Variants in NBAS observed in about 807,000 individuals in gnomAD.
The protein encoded by NBAS is NBAS subunit of NRZ tethering complex.
Under a neutral mutation model 302.5 loss-of-function variants are expected in NBAS, and 219 were observed. The observed-to-expected ratio is 0.72, with a 90% CI of 0.65 to 0.81. The LOEUF (loss-of-function observed/expected upper bound fraction) is 0.81, where lower values mean the gene tolerates loss of function less well. Ranked by LOEUF, NBAS falls within the 30% of genes least tolerant of loss-of-function variation. The probability of loss-of-function intolerance (pLI) is 0.00; values close to 1 mark genes in which losing one functional copy is unlikely to be tolerated. For missense variants in NBAS, 2,932 were observed against 2,841.6 expected, an observed-to-expected ratio of 1.03 and a Z score of -0.72; for synonymous variants, 1,118 against 1,021.6, an observed-to-expected ratio of 1.09 and a Z score of -1.80.
intron 36 of NBAS, among the ~76,000 whole-genome samples, chr2:15,329,649 C>T (rs1432494973): frequency 6.6e-6 from 1 of 152,220 alleles, no homozygotes; most frequent in Non-Finnish European, 1.5e-5. Flanking sequence ...ATCTCATCTC[C>T]TACCATTCTC....
the NBAS span, among the ~76,000 whole-genome samples, chr2:15,085,441 C>T: frequency 6.6e-6 from 1 of 152,134 alleles, no homozygotes; most frequent in African/African-American, 2.4e-5. Context: ...TCCCCTCAGC[C>T]CAGGGCCACC....
At position 15,289,854 on chromosome 2, in the gene NBAS, G is replaced by A. The variant is rs544204725; in HGVS notation, c.5028-2671C>T. 1.7e-3 allele frequency among the ~76,000 whole-genome samples: 266 copies of A among 152,182 alleles called. 1 individual carries two copies. The highest frequency in any genetic ancestry group is 6.0e-3 in the African/African-American group (251 of 41,534). ...CTACTGAAAATACAAAAAATTAGCT[G>A]GGTATGGTGGCATGCACCTGTAGTC... On this transcript the variant is annotated intron_variant, in intron 41 of 51. Transcript: ENST00000281513.
intron 11 of NBAS, among the ~76,000 whole-genome samples, chr2:15,501,957 T>C (rs1259756288): frequency 1.3e-5 from 2 of 152,138 alleles, no homozygotes; most frequent in Non-Finnish European, 2.9e-5. Context: ...AGAAACATAA[T>C]TGCTGCCAAA....
chr2:14,884,315 G>T, the NBAS span, among the ~76,000 whole-genome samples: 5 of 152,174 alleles, frequency 3.3e-5, no homozygotes, highest in Non-Finnish European at 5.9e-5. Flanking sequence ...TACTGAGGTT[G>T]GACCAACATT....
the NBAS span, among the ~76,000 whole-genome samples, chr2:15,152,746 C>T: frequency 6.6e-6 from 1 of 152,160 alleles, no homozygotes; most frequent in Non-Finnish European, 1.5e-5. Flanking sequence ...ACACTGCCTG[C>T]TTTAGACATT....
chr2:15,305,500 G>A (rs374809424), intron 40 of NBAS, among the ~76,000 whole-genome samples: 26 of 149,940 alleles, frequency 1.7e-4, no homozygotes, highest in African/African-American at 3.9e-4. Context: ...TTGCCCAGGC[G>A]GAGTGCAACG....
intron 9 of NBAS, among the ~76,000 whole-genome samples, chr2:15,525,739 G>A (rs1662886062): frequency 6.6e-6 from 1 of 152,072 alleles, no homozygotes; most frequent in African/African-American, 2.4e-5. Context: ...CTAACTTTTT[G>A]TAGCTATCAA....
chr2:14,953,634 T>G, the NBAS span, among the ~76,000 whole-genome samples: 1 of 152,102 alleles, frequency 6.6e-6, no homozygotes, highest in Admixed American at 6.5e-5. Flanking sequence ...CAGTAAGAGC[T>G]CCATCCATTG....
intron 25 of NBAS, among the ~76,000 whole-genome samples, chr2:15,411,529 T>A (rs1558314413): frequency 1.3e-5 from 2 of 152,190 alleles, no homozygotes; most frequent in African/African-American, 4.8e-5. Context: ...TTTATATTCA[T>A]CTTTATATTT....
the NBAS span, among the ~76,000 whole-genome samples, chr2:15,134,086 C>G: frequency 1.4e-5 from 2 of 141,748 alleles, no homozygotes; most frequent in African/African-American, 2.7e-5. Context: ...CTCTCTCTCT[C>G]TGCAATGAAA....
chr2:15,119,310 T>C, the NBAS span, among the ~76,000 whole-genome samples: 6 of 104,156 alleles, frequency 5.8e-5, no homozygotes, highest in East Asian at 1.3e-3. Flanking sequence ...TTTCTTTTTT[T>C]TTTTTTTTTT....
the NBAS span, among the ~76,000 whole-genome samples, chr2:15,116,959 TTCTC>T: frequency 3.3e-5 from 5 of 152,108 alleles, no homozygotes; most frequent in Non-Finnish European, 7.3e-5. Flanking sequence ...CATTTTCTCT[TTCTC>T]TCTCTCATTA....
chr2:14,972,988 G>A, the NBAS span, among the ~76,000 whole-genome samples: 1 of 152,184 alleles, frequency 6.6e-6, no homozygotes, highest in African/African-American at 2.4e-5. Context: ...CTGTGTCCTT[G>A]GAGCCCCTTC....
At chr2:14,882,880 C>T in the NBAS span, among the ~76,000 whole-genome samples, 5 of 152,156 alleles carry the variant, frequency 3.3e-5, no homozygotes, top group Non-Finnish European at 7.4e-5. Context: ...GCACTCTGTC[C>T]ATAGAGACTC....
chr2:15,126,504 C>A, the NBAS span, among the ~76,000 whole-genome samples: 1 of 152,138 alleles, frequency 6.6e-6, no homozygotes, highest in African/African-American at 2.4e-5. Flanking sequence ...AGGCTTAATA[C>A]CACTGGGAAA....
chr2:14,804,519 A>G, the NBAS span, among the ~76,000 whole-genome samples: 1 of 152,236 alleles, frequency 6.6e-6, no homozygotes, highest in Non-Finnish European at 1.5e-5. Context: ...GAACAAGATT[A>G]TATTTCAATT....
intron 34 of NBAS, among the ~76,000 whole-genome samples, chr2:15,353,250 A>AT (rs1483848770): frequency 6.6e-6 from 1 of 152,156 alleles, no homozygotes; most frequent in African/African-American, 2.4e-5. Flanking sequence ...TTACATGACC[A>AT]TTTAGCATAT....
At chr2:14,863,605 C>T in the NBAS span, among the ~76,000 whole-genome samples, 1 of 152,240 alleles carries the variant, frequency 6.6e-6, no homozygotes, top group Non-Finnish European at 1.5e-5. Context: ...CTGCTCCAGA[C>T]TTCTTGGTTC....
At chr2:15,082,307 T>C in the NBAS span, among the ~76,000 whole-genome samples, 1 of 152,194 alleles carries the variant, frequency 6.6e-6, no homozygotes, top group Non-Finnish European at 1.5e-5. Context: ...CAGGTGTTTA[T>C]GGAGTCACTA....
Sources: gnomAD v4.1 joint callset for allele counts (sites outside exome capture counted in the v4.1 genomes callset) on GRCh38, gnomAD v4.1.1 for gene constraint, MANE v1.5 for transcripts, NCBI Gene and HGNC (gene_info 2026-07-23, HGNC 2026-07-21) for gene names.